Variants in FAM149A observed in about 807,000 individuals in gnomAD.
FAM149A encodes the protein protein FAM149A.
FAM149A carries 71 observed loss-of-function variants against 78.2 expected under a neutral mutation model. That is an observed-to-expected ratio of 0.91 (90% CI 0.75 to 1.11). The LOEUF is 1.11. FAM149A is among the 50% of genes least tolerant of loss of function. The pLI is 0.00. For missense variants in FAM149A, 1,036 were observed against 971.0 expected (o/e 1.07, Z -0.89); for synonymous variants, 446 against 410.5 (o/e 1.09, Z -1.04).
chr4:186,153,895 C>A, intron 5 of FAM149A, 125 bp downstream of exon 5: 1 of 1,027,042 alleles, frequency 9.7e-7, no homozygotes, highest in Non-Finnish European at 1.4e-6. Flanking sequence ...TGATGAAGGG[C>A]AGGTACAGAG....
chr4:186,149,824 T>A, intron 3 of FAM149A, 120 bp downstream of exon 3: 1 of 548,388 alleles, frequency 1.8e-6, no homozygotes, highest in Non-Finnish European at 2.7e-6. Flanking sequence ...TACATACATG[T>A]ACATACATGT....
intron 4 of FAM149A, 58 bp from the exon 5 acceptor site, chr4:186,153,587 C>A: frequency 6.4e-7 from 1 of 1,574,632 alleles, no homozygotes; most frequent in Admixed American, 1.7e-5. Context: ...TTTAAAATCT[C>A]CAAACATTTT....
intron 5 of FAM149A, among the ~76,000 whole-genome samples, chr4:186,154,107 C>T (rs965661010): frequency 1.8e-4 from 27 of 152,162 alleles, no homozygotes; most frequent in African/African-American, 4.6e-4. Flanking sequence ...AGCCTCCAGG[C>T]GGTGGCAGCA....
At chr4:186,120,928 G>A (rs370701850) in intron 1 of FAM149A, among the ~76,000 whole-genome samples, 4 of 123,714 alleles carry the variant, frequency 3.2e-5, no homozygotes, top group South Asian at 2.8e-4. Context: ...ATCTCGGCTC[G>A]CTGCAAGCTC....
intron 1 of FAM149A, chr4:186,125,851 T>C: frequency 1.0e-6 from 1 of 985,336 alleles, no homozygotes. Context: ...GATGAGATGT[T>C]GAAGAAGCAA....
intron 7 of FAM149A, among the ~76,000 whole-genome samples, chr4:186,156,407 C>T (rs1734036633): frequency 6.6e-6 from 1 of 152,066 alleles, no homozygotes. Flanking sequence ...GGTGCGGTGG[C>T]TCACGCCTGT....
chr4:186,154,403 T>C, intron 5 of FAM149A, 65 bp from the exon 6 acceptor site: 1 of 1,326,888 alleles, frequency 7.5e-7, no homozygotes. Context: ...TCCGCCATGA[T>C]CGTTTAAGCA....
chr4:186,105,057 G>C lies in FAM149A; in HGVS notation c.-20G>C, dbSNP rs989530608. On this transcript the variant is annotated 5_prime_UTR_variant, in exon 1 of 14. Coordinates refer to ENST00000389354, the MANE Select transcript of FAM149A (RefSeq NM_001367768.3). ...TGAACTCTCGGGCGGCGGCGAGGAC[G>C]GCGTGTCCACTGTCGAGGCATGAAG... is the stretch of plus-strand genomic sequence containing the variant. The C allele has an allele frequency of 7.9e-7, 1 of 1,266,432 alleles. No individual in the cohort carries two copies. Among genetic ancestry groups the C allele is most frequent in the East Asian group, 7.2e-5 (1 of 13,834 alleles). 78.4% of individuals were successfully genotyped at this position (1,266,432 alleles called of 1,614,324 possible).
chr4:186,158,384 A>G (rs1489736924), intron 8 of FAM149A: 3 of 1,200,198 alleles, frequency 2.5e-6, no homozygotes, highest in South Asian at 3.3e-5. Context: ...AAGGGAGCTC[A>G]CTCAGTGGGC....
chr4:186,163,023 G>T, intron 9 of FAM149A, 75 bp downstream of exon 9: 1 of 866,038 alleles, frequency 1.2e-6, no homozygotes, highest in Non-Finnish European at 1.9e-6. Context: ...AAGACTGCAG[G>T]GGACATGAGA....
At chr4:186,158,714 G>T in intron 8 of FAM149A, 1 of 1,014,596 alleles carries the variant, frequency 9.9e-7, no homozygotes. Flanking sequence ...TGCTCTGAAG[G>T]TGCAGGTACC....
chr4:186,127,711 G>A, intron 1 of FAM149A: 1 of 863,484 alleles, frequency 1.2e-6, no homozygotes, highest in Non-Finnish European at 1.3e-6. Flanking sequence ...TGGAGATAGA[G>A]TTATGCTCTT....
intron 1 of FAM149A, among the ~76,000 whole-genome samples, chr4:186,138,884 A>G (rs2099324619): frequency 6.6e-6 from 1 of 151,684 alleles, no homozygotes. Flanking sequence ...TCCATACTGC[A>G]CTCTTGGAGT....
rs1441188617 is a variant in FAM149A, at chr4:186,164,934, G to T, written c.1890-410G>T. 6.6e-6 allele frequency among the ~76,000 whole-genome samples: 1 copy of T among 151,998 alleles called. No homozygotes were observed. Among genetic ancestry groups the T allele is most frequent in the Non-Finnish European group, 1.5e-5 (1 of 67,994 alleles). On this transcript the variant is annotated intron_variant, in intron 10 of 13. Transcript: ENST00000389354. This position sits in a 1 kb window ranked among gnomAD's most constrained non-coding sequence, Gnocchi z 4.0. ...TTGTAGTCCCACAGACAGCCTGTTT[G>T]TCTGTGTGCATAGCTGTGCTCTACA...
At chr4:186,136,983 TC>T (rs2099323387) in intron 1 of FAM149A, among the ~76,000 whole-genome samples, 34 of 121,486 alleles carry the variant, frequency 2.8e-4, no homozygotes, top group African/African-American at 9.8e-4. Flanking sequence ...TCTTTCTCTC[TC>T]TCTCTCTCTC....
At chr4:186,146,061 G>A (rs572001365) in intron 1 of FAM149A, among the ~76,000 whole-genome samples, 1 of 152,230 alleles carries the variant, frequency 6.6e-6, no homozygotes, top group African/African-American at 2.4e-5. Context: ...CATGATGTTA[G>A]TAACTTGTGC....
At chr4:186,127,646 G>A (rs927327284) in intron 1 of FAM149A, 18 of 985,446 alleles carry the variant, frequency 1.8e-5, no homozygotes, top group Non-Finnish European at 2.2e-5. Context: ...GCAAGAATAA[G>A]GGAATGTGTG....
Position 186,175,247 on chromosome 4 carries a change from T to A in FAM149A, c.*3260T>A, listed in dbSNP as rs1395541342. 1.8e-5 allele frequency among the ~76,000 whole-genome samples: 2 copies of A among 112,086 alleles called. 1 individual carries two copies. The highest frequency in any genetic ancestry group is 5.6e-5 in the African/African-American group (2 of 35,958). 73.5% of individuals were successfully genotyped at this position (112,086 alleles called of 152,430 possible). On this transcript the variant is annotated 3_prime_UTR_variant, in exon 14 of 14. Coordinates refer to ENST00000389354, the MANE Select transcript of FAM149A (RefSeq NM_001367768.3). Reference sequence around the variant, plus strand: ...ATAACTACAGATCATTGTGTAGGATTTTTGATTCCTTAATTTCTAATAAAA... The same window carrying A: ...ATAACTACAGATCATTGTGTAGGATATTTGATTCCTTAATTTCTAATAAAA...
At chr4:186,130,293 C>CTCTCTCTCTATATATATATATATA in intron 1 of FAM149A, 3 of 46,592 alleles carry the variant, frequency 6.4e-5, no homozygotes, top group African/African-American at 9.0e-5. Context: ...CTCTCTCTCT[C>CTCTCTCTCTATATATATATATATA]TATATATATA....
Sources: gnomAD v4.1 joint callset for allele counts (sites outside exome capture counted in the v4.1 genomes callset) on GRCh38, gnomAD v4.1.1 for gene constraint, Gnocchi (gnomAD v3.1) non-coding constraint, MANE v1.5 for transcripts, NCBI Gene and HGNC (gene_info 2026-07-23, HGNC 2026-07-21) for gene names.